The following MYOM2 variants were observed in gnomAD, a reference collection of about 807,000 sequenced individuals.
MYOM2 encodes myomesin-2.
Under a neutral mutation model 187.6 loss-of-function variants are expected in MYOM2, and 254 were observed. The observed-to-expected ratio is 1.35, with a 90% CI of 1.22 to 1.50. The LOEUF is 1.50. MYOM2 is among the 40% of genes most tolerant of loss of function. The pLI is 0.00. For synonymous variants in MYOM2, 981 were observed against 753.8 expected (o/e 1.30, Z -4.94); for missense variants, 2,796 against 1,924.0 (o/e 1.45, Z -8.48).
intron 6 of MYOM2, among the ~76,000 whole-genome samples, chr8:2,064,577 C>G (rs895774237): frequency 1.3e-5 from 2 of 152,204 alleles, no homozygotes; most frequent in Admixed American, 6.5e-5. Context: ...GGCTTCTTCC[C>G]CCAGTGGCTC....
At chr8:2,087,609 A>G (rs1796138477) in intron 14 of MYOM2, among the ~76,000 whole-genome samples, 2 of 152,058 alleles carry the variant, frequency 1.3e-5, no homozygotes, top group Admixed American at 1.3e-4. Context: ...GTTTGCAAAC[A>G]CTTTTTTGTT....
At chr8:2,134,982 G>A (rs184075630) in intron 32 of MYOM2, among the ~76,000 whole-genome samples, 120 of 152,224 alleles carry the variant, frequency 7.9e-4, no homozygotes, top group African/African-American at 2.9e-3. Flanking sequence ...GAGTGCACAC[G>A]GAGGCACACA....
chr8:2,046,323 G>A (rs1488744642), intron 1 of MYOM2, among the ~76,000 whole-genome samples: 4 of 152,200 alleles, frequency 2.6e-5, no homozygotes, highest in Admixed American at 2.0e-4. Flanking sequence ...CTGCACTGGA[G>A]GAGAGGCTCG....
rs557167374 is a variant in MYOM2 at position 2,080,872 on chromosome 8, G to C, written c.1516+1259G>C. On this transcript the variant is annotated intron_variant, in intron 13 of 36. Transcript: ENST00000262113. ...AGAATGAGGTTTGGTTCTGATCTGC[G>C]GGAGGAACAGGCAGCCCAGCCCGTG... Among the ~76,000 whole-genome samples the C allele has an allele frequency of 7.3e-5, 11 of 150,794 alleles. No homozygotes were observed. The East Asian group carries it at 1.6e-3, about 22-fold the overall frequency.
chr8:2,111,168 C>T (rs1428446453), intron 25 of MYOM2, among the ~76,000 whole-genome samples: 1 of 152,092 alleles, frequency 6.6e-6, no homozygotes, highest in Non-Finnish European at 1.5e-5. Context: ...GGATGGGTGC[C>T]CTGGCTTCAT....
intron 15 of MYOM2, 108 bp from the exon 16 acceptor site, chr8:2,092,238 G>T: frequency 7.5e-7 from 1 of 1,328,974 alleles, no homozygotes; most frequent in Non-Finnish European, 1.0e-6. Flanking sequence ...TTCTTCCAAA[G>T]CCCCCAGTCT....
At chr8:2,115,577 G>T (rs1191767176) in intron 25 of MYOM2, among the ~76,000 whole-genome samples, 1 of 152,226 alleles carries the variant, frequency 6.6e-6, no homozygotes, top group Non-Finnish European at 1.5e-5. Context: ...ATTGCCTGTT[G>T]TTGCTATCCA....
At position 2,117,881 on chromosome 8, in the gene MYOM2, C is replaced by G. The variant is rs373870981; in HGVS notation, c.3386-4C>G. ...TATGTTTTCTTCCCTTTTTTCCTCC[C>G]TAGGCCCTCATTTTGCTGAGTACTT... is the stretch of plus-strand genomic sequence containing the variant. On this transcript the variant is annotated splice_polypyrimidine_tract_variant and splice_region_variant and intron_variant, in intron 27 of 36. Transcript: ENST00000262113. 42 of 1,607,324 alleles carry G rather than the reference C, an allele frequency of 2.6e-5. No homozygotes were observed. The African/African-American group carries it at 4.9e-4, about 19-fold the overall frequency.
intron 27 of MYOM2, among the ~76,000 whole-genome samples, chr8:2,116,878 C>T (rs1054514037): frequency 2.2e-4 from 33 of 152,142 alleles, no homozygotes; most frequent in Non-Finnish European, 3.2e-4. Flanking sequence ...CTGCCTCAGC[C>T]TCCCGAATAG....
chr8:2,050,566 C>T, intron 1 of MYOM2, among the ~76,000 whole-genome samples, 189 bp from the exon 2 acceptor site: 1 of 152,190 alleles, frequency 6.6e-6, no homozygotes, highest in East Asian at 1.9e-4. Flanking sequence ...AGTTGGGTCC[C>T]TGGGAAGTTA....
At chr8:2,045,340 T>C (rs938062158) in intron 1 of MYOM2, among the ~76,000 whole-genome samples, 172 bp downstream of exon 1, 2 of 152,194 alleles carry the variant, frequency 1.3e-5, no homozygotes, top group African/African-American at 4.8e-5. Flanking sequence ...AGTTCTGGGA[T>C]CTGTATTTCT....
At chr8:2,067,582 C>T (rs760394435) in intron 6 of MYOM2, among the ~76,000 whole-genome samples, 6 of 152,100 alleles carry the variant, frequency 3.9e-5, no homozygotes, top group Non-Finnish European at 7.4e-5. Flanking sequence ...GATCTTAGCG[C>T]CTCTTCCTTA....
In MYOM2 at chr8:2,062,806, G is replaced by C. The variant is rs369031760; in HGVS notation, c.653+3561G>C. Among the ~76,000 whole-genome samples the C allele has an allele frequency of 7.2e-4, 109 of 152,294 alleles. 1 individual carries two copies. In the South Asian group the frequency reaches 0.022, roughly 31 times the overall value. ...GTTGGTCTGAGTTCCAGATCAGCTT[G>C]TTCCCAAGCTGTGTTCTGATAATTG... On this transcript the variant is annotated intron_variant, in intron 6 of 36. Transcript: ENST00000262113.
chr8:2,109,320 T>G, intron 24 of MYOM2, 75 bp from the exon 25 acceptor site: 1 of 1,445,252 alleles, frequency 6.9e-7, no homozygotes, highest in Non-Finnish European at 9.3e-7. Context: ...GATTGATATT[T>G]CCCTACAATT....
chr8:2,123,288 C>T lies in MYOM2; in HGVS notation c.3490C>T (p.Leu1164Phe), dbSNP rs746926314. ...CAAGAAAGAAACCGTTTTCAAATGG[C>T]TCAAGGATGATGTTCTGTATGAAAC... ...NTKKETVFKWLKDDVLYETET... is the reference protein window; with the variant it reads ...NTKKETVFKWFKDDVLYETET... Residue 1164 changes from leucine (L) to phenylalanine (F), a missense_variant, in exon 29 of 37, where the codon CTC becomes TTC. By Grantham distance (22) the Leu-to-Phe change is conservative. Coordinates refer to ENST00000262113, the MANE Select transcript of MYOM2 (RefSeq NM_003970.4). 4.3e-6 allele frequency: 7 copies of T among 1,613,770 alleles called. No homozygotes were observed. In the African/African-American group the frequency reaches 5.3e-5, roughly 12 times the overall value.
chr8:2,086,478 A>ATGATCTCTGTGTGGCCCCCCACAGTCG (rs1796072070), intron 14 of MYOM2, among the ~76,000 whole-genome samples: 1 of 102,762 alleles, frequency 9.7e-6, no homozygotes, highest in Non-Finnish European at 1.9e-5. Context: ...ACACACTGTC[A>ATGATCTCTGTGTGGCCCCCCACAGTCG]TGATCTCTGT....
At chr8:2,064,138 T>C (rs1360440954) in intron 6 of MYOM2, among the ~76,000 whole-genome samples, 2 of 152,202 alleles carry the variant, frequency 1.3e-5, no homozygotes, top group Non-Finnish European at 1.5e-5. Context: ...GTGGCCGCCC[T>C]TCCTCCTGCA....
chr8:2,117,600 T>G (rs1797291052), intron 27 of MYOM2, among the ~76,000 whole-genome samples: 1 of 152,116 alleles, frequency 6.6e-6, no homozygotes. Context: ...GAGATGTCAG[T>G]AAGAAGGAGC....
rs937574591 is a variant in MYOM2 at position 2,144,992 on chromosome 8, C to G, written c.*11C>G. 4.7e-5 allele frequency: 75 copies of G among 1,612,104 alleles called. No individual in the cohort carries two copies. The highest frequency in any genetic ancestry group is 5.8e-5 in the Non-Finnish European group (69 of 1,179,532). On this transcript the variant is annotated 3_prime_UTR_variant, in exon 37 of 37. Transcript: ENST00000262113. Reference sequence around the variant, plus strand: ...GCGGCAGGCCAGTGAAGGCGTTTTCCTAGCCTGGAGATGGGAAAATATGCT... The same window carrying G: ...GCGGCAGGCCAGTGAAGGCGTTTTCGTAGCCTGGAGATGGGAAAATATGCT...
Sources: allele counts gnomAD v4.1 joint callset (sites outside exome capture counted in the v4.1 genomes callset), GRCh38; gene constraint gnomAD v4.1.1; transcripts MANE v1.5; gene names NCBI Gene and HGNC (gene_info 2026-07-23, HGNC 2026-07-21).